CLCN3: variants seen among roughly 807,000 people sequenced by gnomAD.
The protein encoded by CLCN3 is Cl-/H+ antiporter 3.
A neutral mutation model predicts 83.4 loss-of-function variants in CLCN3; 16 were observed. The observed-to-expected ratio is 0.19, with a 90% CI of 0.13 to 0.29. The LOEUF is 0.29. Among genes scored for constraint, CLCN3 ranks in the 10% least tolerant of loss-of-function variants. CLCN3 has a pLI of 1.00. For synonymous variants in CLCN3, 322 were observed against 346.2 expected (o/e 0.93, Z 0.78); for missense variants, 544 against 1,006.0 (o/e 0.54, Z 6.21).
At chr4:169,657,167 C>G (rs145496969) in intron 2 of CLCN3, among the ~76,000 whole-genome samples, 49 of 152,098 alleles carry the variant, frequency 3.2e-4, no homozygotes, top group Non-Finnish European at 6.2e-4. Flanking sequence ...TTGTGTATTT[C>G]TAAAAGATTA....
At chr4:169,702,793 A>AAG (rs1732844193) in intron 9 of CLCN3, 3 of 328,666 alleles carry the variant, frequency 9.1e-6, no homozygotes, top group South Asian at 7.5e-5. Context: ...AAAAAAAAAA[A>AAG]AAAAGAAAGC....
intron 12 of CLCN3, chr4:169,717,760 C>T (rs1476873542): frequency 2.2e-6 from 3 of 1,376,128 alleles, no homozygotes; most frequent in Non-Finnish European, 3.1e-6. Context: ...TTTAATTTCT[C>T]ACACAGTTAT....
chr4:169,709,246 C>T (rs1010629495), intron 11 of CLCN3, among the ~76,000 whole-genome samples: 2 of 151,068 alleles, frequency 1.3e-5, no homozygotes, highest in East Asian at 3.9e-4. Context: ...TCCATGCTGT[C>T]TCATAAAATA....
intron 6 of CLCN3, among the ~76,000 whole-genome samples, 174 bp from the exon 7 acceptor site, chr4:169,691,940 T>C (rs765574193): frequency 5.3e-5 from 8 of 152,214 alleles, no homozygotes; most frequent in Non-Finnish European, 1.2e-4. Context: ...ATAATATCAA[T>C]TTATTATATG....
intron 1 of CLCN3, among the ~76,000 whole-genome samples, chr4:169,634,215 A>G (rs891740434): frequency 1.3e-5 from 2 of 152,228 alleles, no homozygotes; most frequent in Non-Finnish European, 2.9e-5. Flanking sequence ...GTATTAACAC[A>G]TAAAAAGGTT....
At chr4:169,696,669 G>A (rs1290657977) in intron 8 of CLCN3, among the ~76,000 whole-genome samples, 2 of 152,070 alleles carry the variant, frequency 1.3e-5, no homozygotes. Flanking sequence ...GTTCATACCC[G>A]TTGACTAATG....
At chr4:169,719,853 TCTC>T in intron 12 of CLCN3, 51 bp from the exon 13 acceptor site, 1 of 1,416,906 alleles carries the variant, frequency 7.1e-7, no homozygotes, top group Non-Finnish European at 9.7e-7. Context: ...AGATTTAGCT[TCTC>T]CTTTTATTTT....
chr4:169,697,277 T>C lies in CLCN3; in HGVS notation c.1106T>C (p.Phe369Ser). 1 of 1,614,088 alleles carries C rather than the reference T, an allele frequency of 6.2e-7. No individual in the cohort carries two copies. The highest frequency in any genetic ancestry group is 8.5e-7 in the Non-Finnish European group (1 of 1,179,998). Reference sequence around the variant, plus strand: ...TTTGTTTTGAGGTCCATCAATCCATTTGGTAACAGCCGTCTGGTCCTTTTT... The same window carrying C: ...TTTGTTTTGAGGTCCATCAATCCATCTGGTAACAGCCGTCTGGTCCTTTTT... ...AAFVLRSINP[F>S]GNSRLVLFYV... The change falls in exon 9 of 13, where the codon TTT becomes TCT. Residue 369 changes from phenylalanine (F) to serine (S), a missense_variant. Around this residue, in one of 6 missense-constraint regions of CLCN3, gnomAD observed 194 missense variants for 341.4 expected, o/e 0.57. Transcript: ENST00000513761.
chr4:169,663,417 T>G (rs1474168371), intron 2 of CLCN3: 2 of 212,862 alleles, frequency 9.4e-6, no homozygotes, highest in Non-Finnish European at 1.9e-5. Context: ...AAATGCAGCC[T>G]TGAACTACTG....
intron 1 of CLCN3, among the ~76,000 whole-genome samples, chr4:169,623,053 C>G (rs2150193996): frequency 6.6e-6 from 1 of 151,850 alleles, no homozygotes; most frequent in Non-Finnish European, 1.5e-5. Flanking sequence ...GGAGATTGAA[C>G]CCCACTGCCT....
rs758103465 is a variant in CLCN3 at position 169,720,317 on chromosome 4, G to C, written c.*320G>C. 4.4e-5 allele frequency: 16 copies of C among 363,692 alleles called. No individual in the cohort carries two copies. The highest frequency in any genetic ancestry group is 8.4e-5 in the African/African-American group (4 of 47,860). The allele number at this position is 363,692 out of a possible 1,614,324, so 22.5% of individuals were successfully genotyped here. On this transcript the variant is annotated 3_prime_UTR_variant, in exon 13 of 13. Coordinates refer to ENST00000513761, the MANE Select transcript of CLCN3 (RefSeq NM_001829.4). ...GATAGTGCAGGCTTGCGCCTCAACA[G>C]AGATGACAGCAGAGTCCTCGAGCAC...
At chr4:169,626,412 G>T (rs915851058) in intron 1 of CLCN3, among the ~76,000 whole-genome samples, 4 of 152,180 alleles carry the variant, frequency 2.6e-5, no homozygotes, top group African/African-American at 9.6e-5. Flanking sequence ...AATGTGATTG[G>T]ACAAAAAGAG....
intron 6 of CLCN3, among the ~76,000 whole-genome samples, chr4:169,691,021 C>G (rs1330915039): frequency 6.6e-6 from 1 of 151,292 alleles, no homozygotes; most frequent in Non-Finnish European, 1.5e-5. Flanking sequence ...TTTTTTGAGA[C>G]TGAGTCTTGT....
chr4:169,650,854 T>C (rs1021067579), intron 2 of CLCN3, among the ~76,000 whole-genome samples: 2 of 152,168 alleles, frequency 1.3e-5, no homozygotes, highest in Non-Finnish European at 2.9e-5. Flanking sequence ...ATTATACTTA[T>C]ATGAGGGAGT....
At chr4:169,644,178 AC>A (rs1228371019) in intron 2 of CLCN3, among the ~76,000 whole-genome samples, 2 of 152,062 alleles carry the variant, frequency 1.3e-5, no homozygotes, top group Non-Finnish European at 2.9e-5. Flanking sequence ...ATGAATACTT[AC>A]TGTTTTATCA....
At chr4:169,708,799 T>C (rs889226989) in intron 11 of CLCN3, among the ~76,000 whole-genome samples, 24 of 152,188 alleles carry the variant, frequency 1.6e-4, no homozygotes, top group African/African-American at 5.5e-4. Context: ...GTACTTTCTG[T>C]AGGTGAGGTG....
At chr4:169,675,585 C>T (rs1731644786) in intron 2 of CLCN3, among the ~76,000 whole-genome samples, 1 of 151,998 alleles carries the variant, frequency 6.6e-6, no homozygotes, top group African/African-American at 2.4e-5. Context: ...CAATAATAAC[C>T]TCTGAGTAAT....
intron 1 of CLCN3, among the ~76,000 whole-genome samples, chr4:169,635,473 A>T (rs1344548607): frequency 6.6e-6 from 1 of 152,128 alleles, no homozygotes; most frequent in Non-Finnish European, 1.5e-5. Context: ...ATATTTTAAA[A>T]TTTTTTAATT....
intron 2 of CLCN3, among the ~76,000 whole-genome samples, chr4:169,665,752 A>G (rs1215361391): frequency 6.6e-6 from 1 of 152,214 alleles, no homozygotes; most frequent in Non-Finnish European, 1.5e-5. Flanking sequence ...TGTCTTATGT[A>G]ACAGTAATCT....
Sources: gnomAD v4.1 joint callset for allele counts (sites outside exome capture counted in the v4.1 genomes callset) on GRCh38, gnomAD v4.1.1 for gene constraint, gnomAD v4.1.1 regional missense constraint, MANE v1.5 for transcripts, NCBI Gene and HGNC (gene_info 2026-07-23, HGNC 2026-07-21) for gene names.